PCM1: variants seen among roughly 807,000 people sequenced by gnomAD.
PCM1 encodes pericentriolar material 1.
A neutral mutation model predicts 241.9 loss-of-function variants in PCM1; 157 were observed. That is an observed-to-expected ratio of 0.65 (90% CI 0.57 to 0.74). The LOEUF is 0.74. Ranked by LOEUF, PCM1 falls within the 30% of genes least tolerant of loss-of-function variation. The pLI is 0.00. For synonymous variants in PCM1, 1,085 were observed against 784.9 expected, an observed-to-expected ratio of 1.38 and a Z score of -6.39; for missense variants, 3,478 against 2,360.1, an observed-to-expected ratio of 1.47 and a Z score of -9.81.
intron 13 of PCM1, among the ~76,000 whole-genome samples, chr8:17,958,844 C>T (rs2070135349): frequency 1.3e-5 from 2 of 152,138 alleles, no homozygotes; most frequent in Non-Finnish European, 1.5e-5. Context: ...GCCTCAGCCT[C>T]CCGAGTAGCT....
rs1234226903 is a variant in PCM1 at position 17,957,579 on chromosome 8, T to A, written c.1844T>A (p.Val615Asp). Residue 615 changes from valine to aspartate, a missense_variant, in exon 13 of 39, where the codon GTT (valine) becomes GAT (aspartate). Coordinates refer to ENST00000325083, the MANE Select transcript of PCM1 (RefSeq NM_006197.4). ...AGAGAAGGGGAACAGGAGATTCATG[T>A]TGCACAAGGTGAAGATGATGAGGAG... ...YNREGEQEIH[V>D]AQGEDDEEEE... is the part of the protein sequence containing the mutation. The A allele has an allele frequency of 6.4e-7, 1 of 1,572,470 alleles. No individual in the cohort carries two copies. Among genetic ancestry groups the A allele is most frequent in the Non-Finnish European group, 8.6e-7 (1 of 1,157,466 alleles).
rs1239102329 is a variant in PCM1, at chr8:17,951,047, T to G, written c.1071+323T>G. 2.0e-5 allele frequency among the ~76,000 whole-genome samples: 3 copies of G among 152,348 alleles called. No individual in the cohort carries two copies. In the East Asian group the frequency reaches 5.8e-4, roughly 29 times the overall value. On this transcript the variant is annotated intron_variant, in intron 8 of 38. Coordinates refer to ENST00000325083, the MANE Select transcript of PCM1 (RefSeq NM_006197.4). ...CGTATTCTTTTTTCCTCTAAAAGAC[T>G]TAATGGTCACAACGATTAAGACTTT...
Position 17,964,765 on chromosome 8 carries a change from A to T in PCM1, c.2852A>T (p.Asn951Ile), listed in dbSNP as rs1208418194. ...TCCTACAATGGAAAGGAAACTAAAA[A>T]TAGGTTAGTTTCAGTATTTTAATTT... Reference protein sequence around the residue: ...HNSYNGKETKNRWKNNCPFSA... With the variant: ...HNSYNGKETKIRWKNNCPFSA... The change falls in exon 18 of 39, where the codon AAT becomes ATT. Residue 951 changes from asparagine to isoleucine, a missense_variant. Asn to Ile is a moderately radical substitution (Grantham distance 149). Transcript: ENST00000325083. 2 of 1,606,978 alleles carry T rather than the reference A, an allele frequency of 1.2e-6. No individual in the cohort carries two copies. Among genetic ancestry groups the T allele is most frequent in the Non-Finnish European group, 1.7e-6 (2 of 1,173,720 alleles).
At chr8:17,961,662 A>G (rs527348810) in intron 15 of PCM1, among the ~76,000 whole-genome samples, 34 of 152,204 alleles carry the variant, frequency 2.2e-4, no homozygotes, top group Non-Finnish European at 4.0e-4. Context: ...AAAGGAAAAC[A>G]GGGCAACTGT....
At chr8:17,923,765 T>A (rs578040656) in intron 1 of PCM1, among the ~76,000 whole-genome samples, 119 of 152,136 alleles carry the variant, frequency 7.8e-4, no homozygotes, top group African/African-American at 2.8e-3. Flanking sequence ...GGGGAGGCGT[T>A]CCTGGGAAGG....
chr8:17,946,681 G>C (rs1269451491), intron 6 of PCM1, among the ~76,000 whole-genome samples: 2 of 152,062 alleles, frequency 1.3e-5, no homozygotes, highest in Non-Finnish European at 2.9e-5. Flanking sequence ...ATTTTTAGTA[G>C]AGATGGGGTT....
rs2094127195 is a variant in PCM1, at chr8:18,025,493, A to C, written c.5934+40A>C. ...TTAATTAAACTTGTCTTTACATAACAAATACTGTTAAAATGAAAAATGATT... is the reference window on the plus strand; with the variant it reads ...TTAATTAAACTTGTCTTTACATAACCAATACTGTTAAAATGAAAAATGATT... On this transcript the variant is annotated intron_variant, in intron 37 of 38. Coordinates refer to ENST00000325083, the MANE Select transcript of PCM1 (RefSeq NM_006197.4). 2.0e-6 allele frequency: 3 copies of C among 1,517,366 alleles called. No individual in the cohort carries two copies. In the Admixed American group the frequency reaches 5.3e-5, roughly 27 times the overall value. 94.0% of individuals were successfully genotyped at this position (1,517,366 alleles called of 1,614,324 possible). A position where few individuals can be genotyped will look rare whatever the true frequency, so the allele number is the denominator to read the frequency against.
intron 30 of PCM1, among the ~76,000 whole-genome samples, 160 bp downstream of exon 30, chr8:18,006,557 C>G (rs1382067861): frequency 6.6e-6 from 1 of 151,948 alleles, no homozygotes; most frequent in Non-Finnish European, 1.5e-5. Flanking sequence ...TTAGTTGTCA[C>G]TTGGTTAAAA....
chr8:17,926,158 T>A (rs542311412), intron 2 of PCM1: 5 of 152,182 alleles, frequency 3.3e-5, no homozygotes, highest in Admixed American at 2.6e-4. Flanking sequence ...AAATTAGTTA[T>A]AAGATTTTCC....
intron 30 of PCM1, among the ~76,000 whole-genome samples, chr8:18,007,845 G>A (rs974448791): frequency 6.6e-6 from 1 of 151,644 alleles, no homozygotes; most frequent in African/African-American, 2.4e-5. Context: ...GTCTTTTGGT[G>A]GGGGAGAGGA....
chr8:17,953,294 T>C (rs1563860450), intron 9 of PCM1, 108 bp downstream of exon 9: 9 of 548,380 alleles, frequency 1.6e-5, no homozygotes, highest in Admixed American at 3.5e-5. Flanking sequence ...CTCAAAAATA[T>C]TTGTAGGGAC....
At chr8:17,929,862 A>T (rs1035542924) in intron 2 of PCM1, among the ~76,000 whole-genome samples, 1 of 152,212 alleles carries the variant, frequency 6.6e-6, no homozygotes, top group African/African-American at 2.4e-5. Context: ...AATAAGACAG[A>T]ATAGTCACAA....
chr8:17,975,704 T>G (rs2129473359), intron 23 of PCM1, among the ~76,000 whole-genome samples: 1 of 152,112 alleles, frequency 6.6e-6, no homozygotes, highest in South Asian at 2.1e-4. Context: ...TATATATGTG[T>G]TTTTTGTGCA....
At chr8:17,954,275 A>G (rs2067184848) in intron 9 of PCM1, among the ~76,000 whole-genome samples, 1 of 152,088 alleles carries the variant, frequency 6.6e-6, no homozygotes, top group African/African-American at 2.4e-5. Context: ...TAAAAGTACA[A>G]AAGTAGCCAG....
chr8:17,981,322 CTT>C (rs1352152496), intron 24 of PCM1, among the ~76,000 whole-genome samples: 2 of 152,190 alleles, frequency 1.3e-5, no homozygotes, highest in African/African-American at 4.8e-5. Flanking sequence ...CTGCTGGACT[CTT>C]AATACAATTT....
rs1036256608 is a variant in PCM1 at position 17,940,233 on chromosome 8, T to C, written c.783+372T>C. 4.1e-6 allele frequency: 3 copies of C among 733,978 alleles called. No individual in the cohort carries two copies. The African/African-American group carries it at 5.3e-5, about 13-fold the overall frequency. The allele number at this position is 733,978 out of a possible 1,614,324, so 45.5% of individuals were successfully genotyped here. A position where few individuals can be genotyped will look rare whatever the true frequency, so the allele number is the denominator to read the frequency against. ...TTCTCCCAGTTTTCAAGATGTTATT[T>C]TTATAGGCGTTCCTTAATGAAAAGT... is the stretch of plus-strand genomic sequence containing the variant. On this transcript the variant is annotated intron_variant, in intron 6 of 38. Transcript: ENST00000325083.
chr8:18,027,329 C>G (rs374388318), intron 38 of PCM1, among the ~76,000 whole-genome samples: 17 of 152,178 alleles, frequency 1.1e-4, no homozygotes, highest in Admixed American at 8.5e-4. Context: ...TTGATATCCC[C>G]TCTTCTGTTT....
At chr8:17,932,557 T>C (rs552888152) in intron 2 of PCM1, among the ~76,000 whole-genome samples, 1 of 152,170 alleles carries the variant, frequency 6.6e-6, no homozygotes, top group East Asian at 1.9e-4. Context: ...CTTATATTTC[T>C]CCGGTTTTAT....
chr8:17,989,841 T>A lies in PCM1; in HGVS notation c.4411-18T>A. The A allele has an allele frequency of 6.7e-7, 1 of 1,493,188 alleles. No individual in the cohort carries two copies. Among genetic ancestry groups the A allele is most frequent in the Non-Finnish European group, 9.0e-7 (1 of 1,105,540 alleles). 92.5% of individuals were successfully genotyped at this position (1,493,188 alleles called of 1,614,324 possible). ...CTTAGAAGTATTAGTGATTTTTGTTTGTTTTACTGTAACTTAGGAAACTTT... is the reference window on the plus strand; with the variant it reads ...CTTAGAAGTATTAGTGATTTTTGTTAGTTTTACTGTAACTTAGGAAACTTT... On this transcript the variant is annotated intron_variant, in intron 26 of 38. Coordinates refer to ENST00000325083, the MANE Select transcript of PCM1 (RefSeq NM_006197.4).
Sources: allele counts gnomAD v4.1 joint callset (sites outside exome capture counted in the v4.1 genomes callset), GRCh38; gene constraint gnomAD v4.1.1; transcripts MANE v1.5; gene names NCBI Gene and HGNC (gene_info 2026-07-23, HGNC 2026-07-21).